The following JARID2 variants were observed in gnomAD, a reference collection of about 807,000 sequenced individuals.
The protein encoded by JARID2 is protein Jumonji.
A neutral mutation model predicts 125.6 loss-of-function variants in JARID2; 21 were observed. The observed-to-expected ratio is 0.17, with a 90% confidence interval of 0.12 to 0.24. The LOEUF (loss-of-function observed/expected upper bound fraction) is 0.24, where lower values mean the gene tolerates loss of function less well. Ranked by LOEUF, JARID2 falls within the 10% of genes least tolerant of loss-of-function variation. JARID2 has a pLI of 1.00. For synonymous variants in JARID2, 736 were observed against 661.6 expected, an observed-to-expected ratio of 1.11 and a Z score of -1.73; for missense variants, 1,303 against 1,639.6, an observed-to-expected ratio of 0.79 and a Z score of 3.55.
chr6:15,276,692 C>T (rs1218993375), intron 1 of JARID2, among the ~76,000 whole-genome samples: 1 of 152,102 alleles, frequency 6.6e-6, no homozygotes, highest in East Asian at 1.9e-4. Flanking sequence ...TACTGGACTC[C>T]TTTTTGTTAT....
At chr6:15,448,759 G>C (rs540324490) in intron 3 of JARID2, among the ~76,000 whole-genome samples, 5 of 152,068 alleles carry the variant, frequency 3.3e-5, no homozygotes, top group Non-Finnish European at 7.4e-5. Flanking sequence ...GTGGACCAAG[G>C]GTTCTGTAGC....
At chr6:15,486,916 A>G (rs931187421) in intron 5 of JARID2, among the ~76,000 whole-genome samples, 7 of 149,650 alleles carry the variant, frequency 4.7e-5, no homozygotes, top group Admixed American at 2.0e-4. Flanking sequence ...TGCTATAAAG[A>G]TACTACCTGA....
intron 3 of JARID2, among the ~76,000 whole-genome samples, chr6:15,419,184 A>G (rs1391418082): frequency 2.0e-5 from 3 of 152,250 alleles, no homozygotes; most frequent in African/African-American, 7.2e-5. Flanking sequence ...ATTTATATTT[A>G]GAAGCTTCCA....
chr6:15,513,646 C>T (rs947027130), intron 16 of JARID2, among the ~76,000 whole-genome samples: 3 of 152,250 alleles, frequency 2.0e-5, no homozygotes, highest in Non-Finnish European at 2.9e-5. Flanking sequence ...TCTGCCCACG[C>T]GTGGCCCTCC....
chr6:15,478,627 A>G (rs921655979), intron 5 of JARID2, among the ~76,000 whole-genome samples: 4 of 151,832 alleles, frequency 2.6e-5, no homozygotes, highest in Non-Finnish European at 5.9e-5. Context: ...CACTGACTTC[A>G]GATGTGGTTG....
chr6:15,386,614 G>C (rs552574792), intron 2 of JARID2, among the ~76,000 whole-genome samples: 1 of 152,206 alleles, frequency 6.6e-6, no homozygotes, highest in South Asian at 2.1e-4. Context: ...GAGCCACTTC[G>C]CCTGGCCGGT....
chr6:15,444,503 G>A (rs887181687), intron 3 of JARID2, among the ~76,000 whole-genome samples: 4 of 152,050 alleles, frequency 2.6e-5, no homozygotes, highest in East Asian at 1.9e-4. Context: ...CCTCCAGTGC[G>A]CACACACACG....
In JARID2 at chr6:15,507,327, C is replaced by G. The variant is rs1771053253; in HGVS notation, c.2661-19C>G. The G allele has an allele frequency of 6.2e-7, 1 of 1,612,458 alleles. No homozygotes were observed. Among genetic ancestry groups the G allele is most frequent in the South Asian group, 1.1e-5 (1 of 91,016 alleles). ...CTTTCCCCGCCAGTTTGTAACGTCC[C>G]TCGTCTTCCCCTTTGCAGGCATGGA... On this transcript the variant is annotated intron_variant, in intron 10 of 17. Transcript: ENST00000341776.
At chr6:15,333,283 G>GTT (rs1762778778) in intron 1 of JARID2, among the ~76,000 whole-genome samples, 2 of 152,098 alleles carry the variant, frequency 1.3e-5, no homozygotes, top group African/African-American at 4.8e-5. Context: ...TATATTCACA[G>GTT]TTAGGCAAGC....
chr6:15,507,566 AAAAG>A (rs2070912984), intron 11 of JARID2, 150 bp downstream of exon 11: 1 of 631,320 alleles, frequency 1.6e-6, no homozygotes, highest in Non-Finnish European at 2.8e-6. Flanking sequence ...TGATTTTTAG[AAAAG>A]AAAGGAGTAA....
chr6:15,457,658 G>A (rs911486335), intron 4 of JARID2, among the ~76,000 whole-genome samples: 13 of 143,186 alleles, frequency 9.1e-5, no homozygotes, highest in Non-Finnish European at 1.8e-4. Context: ...TAATATTCTC[G>A]GCACTTCTTT....
At chr6:15,437,660 G>A (rs868458292) in intron 3 of JARID2, among the ~76,000 whole-genome samples, 1 of 152,062 alleles carries the variant, frequency 6.6e-6, no homozygotes, top group Admixed American at 6.5e-5. Context: ...AACAGATTTA[G>A]TTGAGTTCAC....
chr6:15,425,936 G>C (rs1318795639), intron 3 of JARID2, among the ~76,000 whole-genome samples: 2 of 152,142 alleles, frequency 1.3e-5, no homozygotes, highest in Admixed American at 6.5e-5. Context: ...GACCCTTTTA[G>C]TATTGTGCTT....
intron 5 of JARID2, among the ~76,000 whole-genome samples, chr6:15,473,581 G>A (rs182965550): frequency 1.4e-5 from 2 of 140,288 alleles, no homozygotes; most frequent in East Asian, 2.1e-4. Context: ...GTCCTTAAGA[G>A]GGGGGTGGTG....
At chr6:15,471,958 T>C (rs1320205575) in intron 5 of JARID2, among the ~76,000 whole-genome samples, 1 of 152,080 alleles carries the variant, frequency 6.6e-6, no homozygotes, top group Non-Finnish European at 1.5e-5. Context: ...TTCAAAAATC[T>C]TAGGAGATTC....
chr6:15,337,836 T>C (rs1240892194), intron 1 of JARID2, among the ~76,000 whole-genome samples: 1 of 152,202 alleles, frequency 6.6e-6, no homozygotes, highest in African/African-American at 2.4e-5. Flanking sequence ...TGAGACACTC[T>C]ACACAGATAC....
chr6:15,520,726 C>T lies in JARID2; in HGVS notation c.*475C>T, dbSNP rs544418654. 3 of 455,288 alleles carry T rather than the reference C, an allele frequency of 6.6e-6. No homozygotes were observed. In the Admixed American group the frequency reaches 7.1e-5, roughly 11 times the overall value. The allele number at this position is 455,288 out of a possible 1,614,324, so 28.2% of individuals were successfully genotyped here. On this transcript the variant is annotated 3_prime_UTR_variant, in exon 18 of 18. Transcript: ENST00000341776. ...ACACACGAAACTTGAAATGGCTTTGCTTTGGCTGTCGTCTTCTGCCGTGTG... is the reference window on the plus strand; with the variant it reads ...ACACACGAAACTTGAAATGGCTTTGTTTTGGCTGTCGTCTTCTGCCGTGTG...
intron 1 of JARID2, among the ~76,000 whole-genome samples, chr6:15,292,641 T>A (rs1213547891): frequency 1.3e-5 from 2 of 152,140 alleles, no homozygotes; most frequent in African/African-American, 4.8e-5. Context: ...CTAATTTTAG[T>A]TTAAGAAAGT....
chr6:15,487,406 G>C lies in JARID2; in HGVS notation c.770G>C (p.Arg257Pro). 1.2e-6 allele frequency: 2 copies of C among 1,614,220 alleles called. No homozygotes were observed. Among genetic ancestry groups the C allele is most frequent in the Middle Eastern group, 1.6e-4 (1 of 6,062 alleles). The change falls in exon 6 of 18, where the codon CGG becomes CCG. Residue 257 changes from arginine to proline, a missense_variant. Around this residue, in one of 11 missense-constraint regions of JARID2, gnomAD observed 651 missense variants for 581.6 expected, o/e 1.12. Transcript: ENST00000341776. ...GCAAAGGAGAAGCACAGCGATCACC[G>C]GGCTGACAGCCGCCGGGAGCAGGCT... Reference protein sequence around the residue: ...TPAKEKHSDHRADSRREQASA... With the variant: ...TPAKEKHSDHPADSRREQASA...
Sources: gnomAD v4.1 joint callset for allele counts (sites outside exome capture counted in the v4.1 genomes callset) on GRCh38, gnomAD v4.1.1 for gene constraint, gnomAD v4.1.1 regional missense constraint, MANE v1.5 for transcripts, NCBI Gene and HGNC (gene_info 2026-07-23, HGNC 2026-07-21) for gene names.